Variants in ADAMTS9 observed in about 807,000 individuals in gnomAD.
ADAMTS9 encodes the protein ADAM metallopeptidase with thrombospondin type 1 motif 9.
ADAMTS9 carries 107 observed loss-of-function variants against 257.1 expected under a neutral mutation model. The ratio of observed to expected loss-of-function variants is 0.42; its 90% CI spans 0.36 to 0.49. ADAMTS9 has a LOEUF of 0.49. Ranked by LOEUF, ADAMTS9 falls within the 20% of genes least tolerant of loss-of-function variation. The pLI is 0.03. For missense variants in ADAMTS9, 2,353 were observed against 2,469.1 expected, an observed-to-expected ratio of 0.95 and a Z score of 1.00; for synonymous variants, 982 against 880.9, an observed-to-expected ratio of 1.11 and a Z score of -2.03.
At chr3:64,659,224 T>G (rs1559815813) in intron 3 of ADAMTS9, among the ~76,000 whole-genome samples, 1 of 152,146 alleles carries the variant, frequency 6.6e-6, no homozygotes, top group African/African-American at 2.4e-5. Context: ...TCCCAGCACT[T>G]TGGGAGGCCG....
chr3:64,646,071 C>T (rs1397208550), intron 11 of ADAMTS9, among the ~76,000 whole-genome samples: 3 of 152,160 alleles, frequency 2.0e-5, no homozygotes, highest in South Asian at 4.1e-4. Context: ...GAAAATTTTT[C>T]GTTGTTGTGT....
chr3:64,684,336 GC>G (rs1200576831), intron 2 of ADAMTS9, among the ~76,000 whole-genome samples: 2 of 146,256 alleles, frequency 1.4e-5, no homozygotes, highest in Admixed American at 1.4e-4. Context: ...TTCAGGAGAG[GC>G]GGGCGACCCA....
At chr3:64,635,874 C>A (rs1385314776) in intron 12 of ADAMTS9, among the ~76,000 whole-genome samples, 3 of 152,132 alleles carry the variant, frequency 2.0e-5, no homozygotes, top group Non-Finnish European at 4.4e-5. Flanking sequence ...ACAGATGACC[C>A]ATGAATAATA....
intron 22 of ADAMTS9, among the ~76,000 whole-genome samples, chr3:64,607,479 G>A (rs1559789090): frequency 1.3e-5 from 2 of 152,100 alleles, no homozygotes; most frequent in Non-Finnish European, 2.9e-5. Context: ...ACTGGAGTTT[G>A]CATCAATATT....
At chr3:64,552,575 CTTTTT>C (rs113655800) in intron 30 of ADAMTS9, among the ~76,000 whole-genome samples, 1 of 139,262 alleles carries the variant, frequency 7.2e-6, no homozygotes, top group African/African-American at 2.6e-5. Context: ...CTTTTCTTTC[CTTTTT>C]TTTTTTTTTT....
chr3:64,545,503 C>G (rs1301172862), intron 32 of ADAMTS9, among the ~76,000 whole-genome samples: 2 of 152,094 alleles, frequency 1.3e-5, no homozygotes, highest in African/African-American at 4.8e-5. Flanking sequence ...CAAACTATCA[C>G]AAGGACAGAA....
At chr3:64,543,071 A>G (rs1488839189) in intron 32 of ADAMTS9, among the ~76,000 whole-genome samples, 1 of 152,192 alleles carries the variant, frequency 6.6e-6, no homozygotes, top group East Asian at 1.9e-4. Flanking sequence ...ACCAGAAAGA[A>G]GTTGAATCCC....
In ADAMTS9 at chr3:64,643,445, A is replaced by ATTT. The variant is rs57471985; in HGVS notation, c.1711-1455_1711-1453dup. 4.8e-3 allele frequency among the ~76,000 whole-genome samples: 295 copies of ATTT among 61,408 alleles called. 35 individuals carry two copies. Among genetic ancestry groups the ATTT allele is most frequent in the South Asian group, 0.025 (37 of 1,452 alleles). The allele number at this position is 61,408 out of a possible 152,430, so 40.3% of individuals were successfully genotyped here. On this transcript the variant is annotated intron_variant, in intron 11 of 39. Coordinates refer to ENST00000498707, the MANE Select transcript of ADAMTS9 (RefSeq NM_182920.2). ...GTAGTCAACATAACATTACTCAATAATTTTTTTTTTTTTTTTTTTTTTTTT... is the reference window on the plus strand; with the variant it reads ...GTAGTCAACATAACATTACTCAATAATTTTTTTTTTTTTTTTTTTTTTTTTTTT...
intron 30 of ADAMTS9, among the ~76,000 whole-genome samples, chr3:64,554,318 A>C (rs2083304618): frequency 6.6e-6 from 1 of 152,250 alleles, no homozygotes; most frequent in African/African-American, 2.4e-5. Context: ...CAAAATTAAA[A>C]ATTAAACTAA....
chr3:64,659,266 G>A (rs1701165076), intron 3 of ADAMTS9, among the ~76,000 whole-genome samples: 1 of 152,108 alleles, frequency 6.6e-6, no homozygotes, highest in Admixed American at 6.5e-5. Context: ...CCAGGAGTTT[G>A]AGACCAGACT....
At chr3:64,606,631 G>A (rs865849977) in intron 23 of ADAMTS9, among the ~76,000 whole-genome samples, 3 of 152,068 alleles carry the variant, frequency 2.0e-5, no homozygotes, top group African/African-American at 7.2e-5. Flanking sequence ...GCAAATCACC[G>A]CCTGAACATG....
At chr3:64,568,339 G>T in intron 29 of ADAMTS9, 29 bp downstream of exon 29, 1 of 1,583,830 alleles carries the variant, frequency 6.3e-7, no homozygotes. Flanking sequence ...ACGTAAGGAA[G>T]CAGTCAGTAG....
chr3:64,550,777 A>C, intron 31 of ADAMTS9, 115 bp downstream of exon 31: 1 of 1,335,658 alleles, frequency 7.5e-7, no homozygotes, highest in Non-Finnish European at 1.0e-6. Context: ...CACAGTGGCA[A>C]ATCGGGCGGG....
intron 3 of ADAMTS9, among the ~76,000 whole-genome samples, chr3:64,673,482 G>T (rs1489005139): frequency 1.3e-5 from 2 of 152,094 alleles, no homozygotes; most frequent in African/African-American, 2.4e-5. Flanking sequence ...TCTCAAACTA[G>T]AACGAAAATA....
intron 30 of ADAMTS9, among the ~76,000 whole-genome samples, chr3:64,551,360 C>T (rs2083269429): frequency 1.3e-5 from 2 of 152,134 alleles, no homozygotes; most frequent in Non-Finnish European, 2.9e-5. Context: ...CAGGCGCCCG[C>T]CACCACGCCA....
At chr3:64,629,188 T>C (rs955989574) in intron 16 of ADAMTS9, among the ~76,000 whole-genome samples, 4 of 152,200 alleles carry the variant, frequency 2.6e-5, no homozygotes, top group Non-Finnish European at 4.4e-5. Context: ...CCCTCCTGGA[T>C]TACTGCAATG....
At chr3:64,541,048 T>C (rs778765286) in intron 36 of ADAMTS9, 47 bp downstream of exon 36, 1 of 1,608,098 alleles carries the variant, frequency 6.2e-7, no homozygotes, top group African/African-American at 1.3e-5. Flanking sequence ...GCTGTCTGAA[T>C]GGAGAGAAGA....
At chr3:64,576,897 C>A (rs2083864993) in intron 28 of ADAMTS9, among the ~76,000 whole-genome samples, 1 of 152,084 alleles carries the variant, frequency 6.6e-6, no homozygotes, top group Non-Finnish European at 1.5e-5. Context: ...CAGGGCCAGG[C>A]AAATAAAGGG....
At chr3:64,646,597 C>T (rs927268554) in intron 11 of ADAMTS9, among the ~76,000 whole-genome samples, 9 of 152,178 alleles carry the variant, frequency 5.9e-5, no homozygotes, top group Non-Finnish European at 1.3e-4. Flanking sequence ...AGGTCCCAGC[C>T]ATAGAGAAAT....
Sources: gnomAD v4.1 joint callset for allele counts (sites outside exome capture counted in the v4.1 genomes callset) on GRCh38, gnomAD v4.1.1 for gene constraint, MANE v1.5 for transcripts, NCBI Gene and HGNC (gene_info 2026-07-23, HGNC 2026-07-21) for gene names.